The following MAP3K20 variants were observed in gnomAD, a reference collection of about 807,000 sequenced individuals.
The protein encoded by MAP3K20 is mitogen-activated protein kinase kinase kinase 20.
MAP3K20 carries 40 observed loss-of-function variants against 85.7 expected under a neutral mutation model. The ratio of observed to expected loss-of-function variants is 0.47; its 90% CI spans 0.36 to 0.61. The LOEUF (loss-of-function observed/expected upper bound fraction) is 0.61. Ranked by LOEUF, MAP3K20 falls within the 20% of genes least tolerant of loss-of-function variation. MAP3K20 has a pLI of 0.00. For synonymous variants in MAP3K20, 325 were observed against 327.7 expected, an observed-to-expected ratio of 0.99 and a Z score of 0.09; for missense variants, 817 against 961.7, an observed-to-expected ratio of 0.85 and a Z score of 1.99.
intron 10 of MAP3K20, among the ~76,000 whole-genome samples, chr2:173,216,894 C>G (rs1684088832): frequency 6.6e-6 from 1 of 152,156 alleles, no homozygotes; most frequent in Non-Finnish European, 1.5e-5. Context: ...ACCCCAGTGG[C>G]CCTTCAACAC....
Position 173,222,155 on chromosome 2 carries a change from A to G in MAP3K20, c.987+4905A>G, listed in dbSNP as rs1028198076. ...CAATCAGTCAGGGCTGCAGTGAGCC[A>G]TGATGGCACCACTGCACTCTAGCCT... On this transcript the variant is annotated intron_variant, in intron 11 of 19. Transcript: ENST00000375213. 5.3e-6 allele frequency: 5 copies of G among 940,678 alleles called. No individual in the cohort carries two copies. In the Admixed American group the frequency reaches 2.5e-4, roughly 47 times the overall value. The allele number at this position is 940,678 out of a possible 1,614,324, so 58.3% of individuals were successfully genotyped here. A position where few individuals can be genotyped will look rare whatever the true frequency, so the allele number is the denominator to read the frequency against.
At chr2:173,096,215 A>G (rs1687455478) in intron 2 of MAP3K20, among the ~76,000 whole-genome samples, 1 of 152,254 alleles carries the variant, frequency 6.6e-6, no homozygotes, top group Non-Finnish European at 1.5e-5. Context: ...CTTCTGGGAT[A>G]AAATTTACCT....
intron 6 of MAP3K20, 44 bp from the exon 7 acceptor site, chr2:173,190,996 T>G: frequency 6.2e-7 from 1 of 1,610,104 alleles, no homozygotes; most frequent in Non-Finnish European, 8.5e-7. Context: ...AATCCCTTAA[T>G]TAGCCAATAA....
intron 2 of MAP3K20, among the ~76,000 whole-genome samples, chr2:173,095,782 A>T (rs904835526): frequency 1.3e-5 from 2 of 152,230 alleles, no homozygotes; most frequent in Non-Finnish European, 2.9e-5. Flanking sequence ...AAAGCAAGGA[A>T]AATGCTCATT....
chr2:173,177,795 T>C (rs1559265025), intron 3 of MAP3K20, among the ~76,000 whole-genome samples: 1 of 152,152 alleles, frequency 6.6e-6, no homozygotes, highest in Non-Finnish European at 1.5e-5. Flanking sequence ...ATATCAAAAT[T>C]ATAGAATATT....
chr2:173,086,935 G>A (rs1435498926), intron 1 of MAP3K20, among the ~76,000 whole-genome samples: 3 of 152,202 alleles, frequency 2.0e-5, no homozygotes, highest in Non-Finnish European at 4.4e-5. Flanking sequence ...AGAAGCCTAG[G>A]CAGCAGTTTC....
At chr2:173,263,391 TAAAC>T (rs1014190144) in intron 18 of MAP3K20, among the ~76,000 whole-genome samples, 9 of 152,236 alleles carry the variant, frequency 5.9e-5, no homozygotes, top group East Asian at 5.8e-4. Context: ...TATTTCTTAT[TAAAC>T]AAAGAGGTAA....
At chr2:173,090,117 G>A (rs1240795564) in intron 1 of MAP3K20, among the ~76,000 whole-genome samples, 2 of 152,156 alleles carry the variant, frequency 1.3e-5, no homozygotes, top group African/African-American at 4.8e-5. Flanking sequence ...CTAATTTTAA[G>A]CATTTTATGT....
intron 2 of MAP3K20, among the ~76,000 whole-genome samples, chr2:173,157,793 C>G (rs1349864387): frequency 1.3e-5 from 2 of 152,146 alleles, no homozygotes; most frequent in African/African-American, 2.4e-5. Context: ...GGAGTTAGAT[C>G]TTGGTTCTTG....
rs548613886 is a variant in MAP3K20, at chr2:173,233,245, G to A, written c.1203+786G>A. ...CCCAGAATTTCTGCATGGCCAAAGG[G>A]AAACCTAAGCCAATGCAGTAACCTA... On this transcript the variant is annotated intron_variant, in intron 14 of 19. Transcript: ENST00000375213. Among the ~76,000 whole-genome samples, 3 of 152,308 alleles carry A rather than the reference G, an allele frequency of 2.0e-5. No homozygotes were observed. In the South Asian group the frequency reaches 6.2e-4, roughly 32 times the overall value.
At chr2:173,105,266 G>A (rs1238769122) in intron 2 of MAP3K20, among the ~76,000 whole-genome samples, 1 of 152,174 alleles carries the variant, frequency 6.6e-6, no homozygotes, top group African/African-American at 2.4e-5. Flanking sequence ...TGCAGTGGAG[G>A]CAGTGAGAAG....
intron 8 of MAP3K20, among the ~76,000 whole-genome samples, chr2:173,200,544 A>AT (rs1276269266): frequency 3.9e-5 from 6 of 152,252 alleles, no homozygotes; most frequent in African/African-American, 1.4e-4. Flanking sequence ...GTCATCTATA[A>AT]TATCTATATC....
intron 11 of MAP3K20, chr2:173,223,931 G>C (rs1007193675): frequency 2.0e-6 from 2 of 985,330 alleles, no homozygotes; most frequent in African/African-American, 3.5e-5. Flanking sequence ...CACCTGAAGA[G>C]AGAGCCAATA....
intron 11 of MAP3K20, chr2:173,221,261 G>T: frequency 6.2e-7 from 1 of 1,614,044 alleles, no homozygotes. Flanking sequence ...AAGTAACGGG[G>T]AGGGCCATGG....
chr2:173,211,974 A>G (rs913025413), intron 10 of MAP3K20: 2 of 152,330 alleles, frequency 1.3e-5, no homozygotes, highest in Non-Finnish European at 2.9e-5. Context: ...GCTGAAATAT[A>G]AGAGAGGCAG....
chr2:173,093,071 G>T (rs1687347916), intron 2 of MAP3K20, among the ~76,000 whole-genome samples: 1 of 152,146 alleles, frequency 6.6e-6, no homozygotes, highest in Admixed American at 6.6e-5. Flanking sequence ...GTAAATTATG[G>T]CAAAGAACCC....
chr2:173,199,321 ATGGGAAAGAG>A (rs1174155267), intron 8 of MAP3K20, among the ~76,000 whole-genome samples: 2 of 152,210 alleles, frequency 1.3e-5, no homozygotes, highest in Non-Finnish European at 2.9e-5. Context: ...GCTGAAACTG[ATGGGAAAGAG>A]CTGCCAATTT....
At chr2:173,182,716 C>T (rs1690365767) in intron 3 of MAP3K20, 138 bp from the exon 4 acceptor site, 1 of 603,976 alleles carries the variant, frequency 1.7e-6, no homozygotes, top group East Asian at 3.4e-5. Flanking sequence ...TTAGAAACCA[C>T]ACCATGGAAC....
chr2:173,078,353 A>G (rs3769207), intron 1 of MAP3K20, among the ~76,000 whole-genome samples: 63,792 of 152,068 alleles, frequency 0.42, 14,599 homozygotes, highest in African/African-American at 0.59. Flanking sequence ...ACAGATTGAC[A>G]GGGTGAGTAT....
Sources: gnomAD v4.1 joint callset for allele counts (sites outside exome capture counted in the v4.1 genomes callset) on GRCh38, gnomAD v4.1.1 for gene constraint, MANE v1.5 for transcripts, NCBI Gene and HGNC (gene_info 2026-07-23, HGNC 2026-07-21) for gene names.